Variants in PLCZ1 observed in about 807,000 individuals in gnomAD.
The protein encoded by PLCZ1 is 1-phosphatidylinositol 4,5-bisphosphate phosphodiesterase zeta-1.
PLCZ1 carries 64 observed loss-of-function variants against 76.8 expected under a neutral mutation model. The observed-to-expected ratio is 0.83, with a 90% CI of 0.68 to 1.03. PLCZ1 has a LOEUF of 1.03. Among genes scored for constraint, PLCZ1 ranks in the 50% least tolerant of loss-of-function variants. PLCZ1 has a pLI of 0.00. For synonymous variants in PLCZ1, 248 were observed against 230.8 expected (o/e 1.07, Z -0.68); for missense variants, 751 against 713.7 (o/e 1.05, Z -0.60).
the PLCZ1 span, among the ~76,000 whole-genome samples, chr12:18,647,705 A>C: frequency 2.0e-5 from 3 of 152,278 alleles, no homozygotes; most frequent in South Asian, 6.2e-4. Flanking sequence ...GTGTTAGCAG[A>C]AACTTCAGCT....
At chr12:18,696,322 C>CAATATATATATATATATATA (rs1555180116) in intron 10 of PLCZ1, 56 bp from the exon 11 acceptor site, 1 of 253,072 alleles carries the variant, frequency 4.0e-6, no homozygotes, top group Admixed American at 5.4e-5. Flanking sequence ...TAAAAAGCCA[C>CAATATATATATATATATATA]TATATATATA....
intron 6 of PLCZ1, among the ~76,000 whole-genome samples, chr12:18,708,326 C>G (rs773351213): frequency 2.6e-5 from 4 of 152,092 alleles, no homozygotes; most frequent in Non-Finnish European, 5.9e-5. Context: ...CTCACTCATG[C>G]TGTGGTAAAT....
chr12:18,661,377 AGAG>A, the PLCZ1 span, among the ~76,000 whole-genome samples: 30 of 37,348 alleles, frequency 8.0e-4, no homozygotes, highest in Non-Finnish European at 2.0e-3. Flanking sequence ...ATAAAAAAAA[AGAG>A]AGAGAGAGAA....
Position 18,723,511 on chromosome 12 carries a change from G to A in PLCZ1, c.167C>T (p.Thr56Ile). 1 of 1,612,444 alleles carries A rather than the reference G, an allele frequency of 6.2e-7. No individual in the cohort carries two copies. The highest frequency in any genetic ancestry group is 8.5e-7 in the Non-Finnish European group (1 of 1,179,324). Residue 56 changes from threonine (T) to isoleucine (I), a missense_variant, in exon 4 of 15, where the codon ACC becomes ATC. Coordinates refer to ENST00000266505, the MANE Select transcript of PLCZ1 (RefSeq NM_033123.4). ...ATAAATTGCTCTAAATTCTTCTATG[G>A]TGATTCTTCCTTGTTTCAGCCTGTC... ...DNDRLKQGRI[T>I]IEEFRAIYRI...
chr12:18,700,719 T>G (rs1955780281), intron 9 of PLCZ1, among the ~76,000 whole-genome samples: 1 of 152,058 alleles, frequency 6.6e-6, no homozygotes, highest in South Asian at 2.1e-4. Flanking sequence ...TAAAATCCCT[T>G]TCACTGAACT....
At chr12:18,672,991 T>C in the PLCZ1 span, among the ~76,000 whole-genome samples, 1 of 152,136 alleles carries the variant, frequency 6.6e-6, no homozygotes, top group Non-Finnish European at 1.5e-5. Flanking sequence ...GTGCACAGAT[T>C]GGTACATGAC....
chr12:18,698,185 C>T (rs376711031), intron 10 of PLCZ1, among the ~76,000 whole-genome samples: 54 of 151,954 alleles, frequency 3.6e-4, no homozygotes, highest in South Asian at 1.2e-3. Context: ...CTCACATGCA[C>T]GATGCACAAT....
chr12:18,651,091 T>G, the PLCZ1 span, among the ~76,000 whole-genome samples: 10 of 151,856 alleles, frequency 6.6e-5, no homozygotes, highest in African/African-American at 2.4e-4. Context: ...CATCCTCATC[T>G]CTCTGATTTT....
the PLCZ1 span, among the ~76,000 whole-genome samples, chr12:18,656,236 C>A: frequency 6.6e-6 from 1 of 152,154 alleles, no homozygotes; most frequent in Non-Finnish European, 1.5e-5. Context: ...TGAGACCAAC[C>A]TGGGCAACAT....
intron 6 of PLCZ1, 123 bp from the exon 7 acceptor site, chr12:18,705,438 C>G (rs1542681): frequency 0.9 from 1,074,033 of 1,195,452 alleles, 482,967 homozygotes; most frequent in East Asian, 1. Flanking sequence ...TGCAAAATAA[C>G]TATTCTTTAA....
rs775055926 is a variant in PLCZ1, at chr12:18,693,575, G to A, written c.1461+1335C>T. The A allele has an allele frequency of 2.1e-5, 33 of 1,598,406 alleles. No individual in the cohort carries two copies. The Middle Eastern group carries it at 1.3e-3, about 65-fold the overall frequency. ...GTACCTAGGTGATGGGCCCAAACTC[G>A]GACGGGAATTGTTTCGAGTTGCTGA... On this transcript the variant is annotated intron_variant, in intron 12 of 14. Coordinates refer to ENST00000266505, the MANE Select transcript of PLCZ1 (RefSeq NM_033123.4).
At chr12:18,709,962 A>C (rs1957088561) in intron 6 of PLCZ1, among the ~76,000 whole-genome samples, 1 of 151,714 alleles carries the variant, frequency 6.6e-6, no homozygotes. Context: ...TTAGGTCACT[A>C]TTTGCGTATA....
intron 6 of PLCZ1, among the ~76,000 whole-genome samples, chr12:18,708,582 C>T (rs1956914378): frequency 6.6e-6 from 1 of 152,138 alleles, no homozygotes; most frequent in Admixed American, 6.6e-5. Context: ...TAGAAACCTC[C>T]ATGCTGTATT....
chr12:18,668,415 C>T, the PLCZ1 span, among the ~76,000 whole-genome samples: 2 of 152,140 alleles, frequency 1.3e-5, no homozygotes, highest in African/African-American at 4.8e-5. Flanking sequence ...CCTTGCTCAT[C>T]CATCAGAAAT....
the PLCZ1 span, among the ~76,000 whole-genome samples, chr12:18,650,700 G>GTATA: frequency 1.1e-4 from 5 of 43,840 alleles, no homozygotes; most frequent in African/African-American, 2.8e-4. Context: ...GTGTGTGTGT[G>GTATA]TGTGTATATA....
rs764808879 is a variant in PLCZ1 at position 18,701,675 on chromosome 12, C to A, written c.949+17G>T. On this transcript the variant is annotated intron_variant, in intron 8 of 14. Transcript: ENST00000266505. Reference sequence around the variant, plus strand: ...CCTCTCCATCTGCCACTTCTTCTTCCCATTCCTCCACCTTACCACGCTTAT... The same window carrying A: ...CCTCTCCATCTGCCACTTCTTCTTCACATTCCTCCACCTTACCACGCTTAT... 6.2e-7 allele frequency: 1 copy of A among 1,610,824 alleles called. No homozygotes were observed. Among genetic ancestry groups the A allele is most frequent in the Non-Finnish European group, 8.5e-7 (1 of 1,178,438 alleles).
chr12:18,676,939 A>C, the PLCZ1 span, among the ~76,000 whole-genome samples: 1 of 152,146 alleles, frequency 6.6e-6, no homozygotes, highest in Non-Finnish European at 1.5e-5. Flanking sequence ...TGTAAAAGCA[A>C]AACTGTTTTT....
the PLCZ1 span, among the ~76,000 whole-genome samples, chr12:18,670,749 G>A: frequency 6.6e-5 from 10 of 152,012 alleles, no homozygotes; most frequent in Non-Finnish European, 1.2e-4. Flanking sequence ...TTATCATCCT[G>A]AACTATTTTA....
In PLCZ1 at chr12:18,712,943, C is replaced by A. The variant is rs2137430054; in HGVS notation, c.613G>T (p.Asp205Tyr). Residue 205 changes from aspartate to tyrosine, a missense_variant, in exon 6 of 15, where the codon GAT (aspartate) becomes TAT (tyrosine). By Grantham distance (160) the Asp-to-Tyr change is radical (BLOSUM62 -3). Coordinates refer to ENST00000266505, the MANE Select transcript of PLCZ1 (RefSeq NM_033123.4). ...ACAACAGGTTCATTTTGTGCTCCAT[C>A]CCAGCAGTCAATCTCCAAACAACGG... Reference protein sequence around the residue: ...GCRCLEIDCWDGAQNEPVVYH... With the variant: ...GCRCLEIDCWYGAQNEPVVYH... 6.2e-7 allele frequency: 1 copy of A among 1,613,938 alleles called. No homozygotes were observed. Among genetic ancestry groups the A allele is most frequent in the East Asian group, 2.2e-5 (1 of 44,856 alleles).
Sources: gnomAD v4.1 joint callset for allele counts (sites outside exome capture counted in the v4.1 genomes callset) on GRCh38, gnomAD v4.1.1 for gene constraint, MANE v1.5 for transcripts, NCBI Gene and HGNC (gene_info 2026-07-23, HGNC 2026-07-21) for gene names.